Variants in ITGA9 observed in about 807,000 individuals in gnomAD.
ITGA9 encodes integrin subunit alpha 9.
Under a neutral mutation model 127.8 loss-of-function variants are expected in ITGA9, and 56 were observed. That is an observed-to-expected ratio of 0.44 (90% CI 0.35 to 0.55). The LOEUF (loss-of-function observed/expected upper bound fraction) is 0.55, where lower values mean the gene tolerates loss of function less well. Among genes scored for constraint, ITGA9 ranks in the 20% least tolerant of loss-of-function variants. The pLI is 0.00. For missense variants in ITGA9, 1,196 were observed against 1,347.1 expected (o/e 0.89, Z 1.76); for synonymous variants, 508 against 514.5 (o/e 0.99, Z 0.17).
At chr3:37,617,608 C>T (rs572604177) in intron 15 of ITGA9, among the ~76,000 whole-genome samples, 5 of 152,312 alleles carry the variant, frequency 3.3e-5, no homozygotes, top group South Asian at 2.1e-4. Flanking sequence ...ACCAATCAGA[C>T]GTAGATTTGG....
At chr3:37,481,751 C>T in intron 4 of ITGA9, 144 bp downstream of exon 4, 1 of 1,159,928 alleles carries the variant, frequency 8.6e-7, no homozygotes, top group Non-Finnish European at 1.3e-6. Context: ...CCCAGATGGT[C>T]TCTTGGTCCC....
chr3:37,518,357 G>A (rs1386910044), intron 10 of ITGA9, among the ~76,000 whole-genome samples: 3 of 152,160 alleles, frequency 2.0e-5, no homozygotes, highest in African/African-American at 7.2e-5. Context: ...CCTACCACTG[G>A]CTACAGTGGG....
intron 18 of ITGA9, among the ~76,000 whole-genome samples, chr3:37,711,598 C>A (rs968938710): frequency 6.6e-6 from 1 of 152,174 alleles, no homozygotes; most frequent in African/African-American, 2.4e-5. Context: ...GAGATGGTGT[C>A]TTGCTGTGTT....
At chr3:37,768,093 G>T (rs1342034815) in intron 23 of ITGA9, among the ~76,000 whole-genome samples, 2 of 152,128 alleles carry the variant, frequency 1.3e-5, no homozygotes, top group Non-Finnish European at 2.9e-5. Flanking sequence ...ATACGTGAAA[G>T]TATTTGTCCT....
intron 20 of ITGA9, among the ~76,000 whole-genome samples, chr3:37,741,357 G>A (rs932103131): frequency 6.6e-6 from 1 of 151,516 alleles, no homozygotes; most frequent in Non-Finnish European, 1.5e-5. Context: ...CCTCAGCTAG[G>A]AAGACTGACT....
intron 22 of ITGA9, chr3:37,745,584 A>G (rs377400201): frequency 4.6e-5 from 7 of 152,330 alleles, no homozygotes; most frequent in African/African-American, 1.7e-4. Context: ...GATGTAGTTC[A>G]GAAAATTATT....
chr3:37,643,090 C>T (rs932333982), intron 16 of ITGA9, among the ~76,000 whole-genome samples: 2 of 152,292 alleles, frequency 1.3e-5, no homozygotes, highest in Admixed American at 6.5e-5. Flanking sequence ...CAGACAGGCT[C>T]CTGAGACCGT....
intron 18 of ITGA9, among the ~76,000 whole-genome samples, chr3:37,718,343 A>G (rs1339492218): frequency 6.6e-6 from 1 of 152,206 alleles, no homozygotes; most frequent in African/African-American, 2.4e-5. Flanking sequence ...TGGTCTGCAG[A>G]GTTCATTTCT....
intron 15 of ITGA9, among the ~76,000 whole-genome samples, chr3:37,624,056 C>A (rs1667680031): frequency 6.6e-6 from 1 of 151,990 alleles, no homozygotes; most frequent in African/African-American, 2.4e-5. Flanking sequence ...AGAAGATTTT[C>A]CCTAAACTAA....
chr3:37,713,791 G>A (rs1417223342), intron 18 of ITGA9, among the ~76,000 whole-genome samples: 2 of 152,238 alleles, frequency 1.3e-5, no homozygotes, highest in Non-Finnish European at 1.5e-5. Context: ...CTAAAGGCCC[G>A]GGCTGCTCTG....
At chr3:37,738,586 C>T (rs773997412) in intron 20 of ITGA9, among the ~76,000 whole-genome samples, 1 of 152,150 alleles carries the variant, frequency 6.6e-6, no homozygotes, top group African/African-American at 2.4e-5. Flanking sequence ...ACAGCTTGGC[C>T]CCAGAGCATG....
At chr3:37,471,779 C>T (rs1282607994) in intron 2 of ITGA9, among the ~76,000 whole-genome samples, 1 of 152,106 alleles carries the variant, frequency 6.6e-6, no homozygotes, top group Non-Finnish European at 1.5e-5. Context: ...TTGCGCTGGG[C>T]ATGGTGGCTC....
intron 14 of ITGA9, among the ~76,000 whole-genome samples, chr3:37,541,133 G>A (rs531110666): frequency 6.6e-6 from 1 of 152,336 alleles, no homozygotes; most frequent in Non-Finnish European, 1.5e-5. Context: ...AAAAGCCGGA[G>A]CCTTCCCTAA....
At chr3:37,665,205 CCT>C (rs2125653556) in intron 17 of ITGA9, among the ~76,000 whole-genome samples, 1 of 151,694 alleles carries the variant, frequency 6.6e-6, no homozygotes, top group South Asian at 2.1e-4. Flanking sequence ...GAACTCCTGA[CCT>C]CAGGTGATCC....
At position 37,711,883 on chromosome 3, in the gene ITGA9, T is replaced by G. The variant is rs116348906; in HGVS notation, c.2068-20829T>G. 3.0e-3 allele frequency among the ~76,000 whole-genome samples: 456 copies of G among 152,264 alleles called. 5 individuals are homozygous for G. The highest frequency in any genetic ancestry group is 0.029 in the South Asian group (141 of 4,820). On this transcript the variant is annotated intron_variant, in intron 18 of 27. Transcript: ENST00000264741. ...CCCTCCAGAGTCCAGCAGCTGCACTTCTGAATGCTGGTGGGCACGGACGGG... is the reference window on the plus strand; with the variant it reads ...CCCTCCAGAGTCCAGCAGCTGCACTGCTGAATGCTGGTGGGCACGGACGGG...
At chr3:37,522,547 G>A (rs930682414) in intron 11 of ITGA9, among the ~76,000 whole-genome samples, 9 of 151,974 alleles carry the variant, frequency 5.9e-5, no homozygotes, top group African/African-American at 2.2e-4. Context: ...GCAACATGGC[G>A]AGACCCCGTC....
At chr3:37,618,062 T>G (rs1314872420) in intron 15 of ITGA9, among the ~76,000 whole-genome samples, 2 of 152,246 alleles carry the variant, frequency 1.3e-5, no homozygotes, top group South Asian at 4.1e-4. Flanking sequence ...TTCCAGTTTT[T>G]CTGCTCTGTT....
At chr3:37,719,514 G>A (rs1003836622) in intron 18 of ITGA9, among the ~76,000 whole-genome samples, 1 of 152,162 alleles carries the variant, frequency 6.6e-6, no homozygotes, top group African/African-American at 2.4e-5. Flanking sequence ...TGCAGAGGGA[G>A]AGGATGTGGG....
In ITGA9 at chr3:37,459,758, C is replaced by T. The variant is rs553939221; in HGVS notation, c.185+7199C>T. 7.9e-5 allele frequency among the ~76,000 whole-genome samples: 12 copies of T among 152,288 alleles called. No individual in the cohort carries two copies. In the South Asian group the frequency reaches 1.0e-3, roughly 13 times the overall value. On this transcript the variant is annotated intron_variant, in intron 1 of 27. Transcript: ENST00000264741. ...ACTGCCTGTCAGGAAGTCAAGAATC[C>T]GAGTTTGGGGGCTTCAGGGCGCTCA...
Sources: allele counts gnomAD v4.1 joint callset (sites outside exome capture counted in the v4.1 genomes callset), GRCh38; gene constraint gnomAD v4.1.1; transcripts MANE v1.5; gene names NCBI Gene and HGNC (gene_info 2026-07-23, HGNC 2026-07-21).